The following RGL1 variants were observed in gnomAD, a reference collection of about 807,000 sequenced individuals.
The protein encoded by RGL1 is ral guanine nucleotide dissociation stimulator-like 1.
A neutral mutation model predicts 95.2 loss-of-function variants in RGL1; 24 were observed. That is an observed-to-expected ratio of 0.25 (90% CI 0.18 to 0.35). The LOEUF (loss-of-function observed/expected upper bound fraction) is 0.35, where lower values mean the gene tolerates loss of function less well. Among genes scored for constraint, RGL1 ranks in the 10% least tolerant of loss-of-function variants. The pLI is 1.00. For missense variants in RGL1, 715 were observed against 936.3 expected (o/e 0.76, Z 3.08); for synonymous variants, 329 against 344.9 (o/e 0.95, Z 0.51).
chr1:183,661,008 A>T (rs911016423), intron 1 of RGL1, among the ~76,000 whole-genome samples: 3 of 152,202 alleles, frequency 2.0e-5, no homozygotes, highest in African/African-American at 7.2e-5. Context: ...TTTGAAACCA[A>T]CGAGAACAAA....
intron 1 of RGL1, among the ~76,000 whole-genome samples, chr1:183,682,776 C>A (rs1457373419): frequency 6.6e-6 from 1 of 152,110 alleles, no homozygotes; most frequent in Non-Finnish European, 1.5e-5. Context: ...GTGTTAAGTT[C>A]TCCCACTATT....
At chr1:183,740,460 A>C (rs1247384420) in intron 1 of RGL1, among the ~76,000 whole-genome samples, 1 of 152,192 alleles carries the variant, frequency 6.6e-6, no homozygotes, top group African/African-American at 2.4e-5. Context: ...TCTGCAGATG[A>C]TGATTTTCTT....
At chr1:183,812,648 CA>C (rs1348157236) in intron 2 of RGL1, among the ~76,000 whole-genome samples, 1 of 152,198 alleles carries the variant, frequency 6.6e-6, no homozygotes, top group Non-Finnish European at 1.5e-5. Context: ...AGCCCAGAAT[CA>C]GGGGCATTTA....
chr1:183,732,107 T>C (rs1191712670), intron 1 of RGL1, among the ~76,000 whole-genome samples: 2 of 152,180 alleles, frequency 1.3e-5, no homozygotes, highest in Non-Finnish European at 1.5e-5. Flanking sequence ...GCCATCTTGT[T>C]ATAGTCAGTC....
chr1:183,761,417 T>C (rs756782485), intron 2 of RGL1, among the ~76,000 whole-genome samples: 6 of 152,218 alleles, frequency 3.9e-5, no homozygotes, highest in Non-Finnish European at 7.3e-5. Context: ...ACATTGTCAA[T>C]GAGCAGTAAT....
At chr1:183,742,634 T>G (rs1657380774) in intron 2 of RGL1, among the ~76,000 whole-genome samples, 2 of 152,114 alleles carry the variant, frequency 1.3e-5, no homozygotes, top group African/African-American at 4.8e-5. Flanking sequence ...TTCTGTGACT[T>G]CCCTCTCTCA....
At chr1:183,802,251 G>A (rs1472856729), upstream of RGL1, among the ~76,000 whole-genome samples, 1 of 152,116 alleles carries the variant, frequency 6.6e-6, no homozygotes. Context: ...GACCACATAT[G>A]CTTGGGTTTA....
At chr1:183,775,928 T>C (rs1659568631) in intron 2 of RGL1, among the ~76,000 whole-genome samples, 1 of 152,192 alleles carries the variant, frequency 6.6e-6, no homozygotes, top group African/African-American at 2.4e-5. Flanking sequence ...ATTTGTGCTT[T>C]TCTATGTCTT....
intron 2 of RGL1, among the ~76,000 whole-genome samples, chr1:183,835,928 G>A (rs1030312996): frequency 1.1e-4 from 16 of 152,170 alleles, no homozygotes; most frequent in African/African-American, 2.9e-4. Flanking sequence ...ACCCAATACC[G>A]TATTGCTTTG....
At chr1:183,886,410 T>G (rs1217585375) in intron 7 of RGL1, among the ~76,000 whole-genome samples, 1 of 152,188 alleles carries the variant, frequency 6.6e-6, no homozygotes, top group Non-Finnish European at 1.5e-5. Flanking sequence ...ATTTTTTTTT[T>G]TGCCATAAGT....
chr1:183,655,879 T>C (rs1460432369), intron 1 of RGL1, among the ~76,000 whole-genome samples: 1 of 152,156 alleles, frequency 6.6e-6, no homozygotes, highest in African/African-American at 2.4e-5. Flanking sequence ...CCAGAGACTG[T>C]TTAGATGCTC....
chr1:183,889,025 A>T (rs1251664471), intron 8 of RGL1, among the ~76,000 whole-genome samples: 1 of 152,182 alleles, frequency 6.6e-6, no homozygotes, highest in East Asian at 1.9e-4. Context: ...TCAGCATTTT[A>T]AAAACTATCT....
At chr1:183,734,219 A>G (rs1656799724) in intron 1 of RGL1, among the ~76,000 whole-genome samples, 1 of 152,190 alleles carries the variant, frequency 6.6e-6, no homozygotes, top group South Asian at 2.1e-4. Context: ...TGAGAAGTCC[A>G]CCTCTGAATC....
chr1:183,763,844 C>T (rs1164097567), intron 2 of RGL1, among the ~76,000 whole-genome samples: 1 of 152,026 alleles, frequency 6.6e-6, no homozygotes. Flanking sequence ...AAATGTTACA[C>T]CACATGGGCC....
chr1:183,776,759 C>G (rs952377214), intron 2 of RGL1, among the ~76,000 whole-genome samples: 1 of 152,114 alleles, frequency 6.6e-6, no homozygotes, highest in African/African-American at 2.4e-5. Flanking sequence ...ACAAGGCTTG[C>G]GAAGAGGGCA....
chr1:183,891,978 A>T lies in RGL1; in HGVS notation c.1056-99A>T, dbSNP rs1273206846. ...TACCCACCAACCCTGAGATCAGCAC[A>T]GTCCCTCCTTAGACATGAGTCCTGA... On this transcript the variant is annotated intron_variant, in intron 8 of 17. Coordinates refer to ENST00000360851, the MANE Select transcript of RGL1 (RefSeq NM_001297671.3). 3 of 828,972 alleles carry T rather than the reference A, an allele frequency of 3.6e-6. No individual in the cohort carries two copies. The African/African-American group carries it at 5.1e-5, about 14-fold the overall frequency. The allele number at this position is 828,972 out of a possible 1,614,324, so 51.4% of individuals were successfully genotyped here. A position where few individuals can be genotyped will look rare whatever the true frequency, so the allele number is the denominator to read the frequency against.
At chr1:183,748,420 T>G (rs1657783877) in intron 2 of RGL1, among the ~76,000 whole-genome samples, 1 of 93,178 alleles carries the variant, frequency 1.1e-5, no homozygotes, top group Admixed American at 1.2e-4. Context: ...TTTTTTTTTT[T>G]TTTGAGACGG....
At chr1:183,852,052 A>T (rs1426054717) in intron 3 of RGL1, among the ~76,000 whole-genome samples, 1 of 152,204 alleles carries the variant, frequency 6.6e-6, no homozygotes. Context: ...TGTGAAATTA[A>T]CACTGAGACG....
chr1:183,918,271 G>A (rs190178776), intron 16 of RGL1, among the ~76,000 whole-genome samples: 203 of 152,274 alleles, frequency 1.3e-3, no homozygotes, highest in African/African-American at 4.4e-3. Context: ...CCCACAGGGG[G>A]GACGTGGTCT....
Sources: gnomAD v4.1 joint callset for allele counts (sites outside exome capture counted in the v4.1 genomes callset) on GRCh38, gnomAD v4.1.1 for gene constraint, MANE v1.5 for transcripts, NCBI Gene and HGNC (gene_info 2026-07-23, HGNC 2026-07-21) for gene names.